DMD: variants seen among roughly 807,000 people sequenced by gnomAD.
DMD encodes the protein dystrophin.
DMD carries 63 observed loss-of-function variants against 330.1 expected under a neutral mutation model. That is an observed-to-expected ratio of 0.19 (90% CI 0.16 to 0.24). The LOEUF (loss-of-function observed/expected upper bound fraction) is 0.24. DMD is among the 10% of genes least tolerant of loss of function. DMD has a pLI of 1.00. For synonymous variants in DMD, 1,223 were observed against 959.8 expected (o/e 1.27, Z -5.07); for missense variants, 3,344 against 2,684.1 (o/e 1.25, Z -5.43).
intron 1 of DMD, among the ~76,000 whole-genome samples, chrX:33,193,768 G>A (rs1029624292): frequency 1.8e-5 from 2 of 111,963 alleles, no homozygotes; most frequent in African/African-American, 3.2e-5. Flanking sequence ...TTATCTGAGA[G>A]TCTTTCCATA....
chrX:31,687,187 G>T (rs2082737978), intron 52 of DMD, among the ~76,000 whole-genome samples: 1 of 111,532 alleles, frequency 9.0e-6, no homozygotes, highest in African/African-American at 3.3e-5. Flanking sequence ...GTACACTGTG[G>T]GACTTGGCCT....
chrX:32,869,303 A>C (rs1265450379), intron 2 of DMD, among the ~76,000 whole-genome samples: 1 of 111,294 alleles, frequency 9.0e-6, no homozygotes, highest in Admixed American at 9.6e-5. Flanking sequence ...GAATCAAAAA[A>C]CAAAAACACT....
intron 62 of DMD, among the ~76,000 whole-genome samples, chrX:31,317,777 C>G: frequency 9.0e-6 from 1 of 111,596 alleles, no homozygotes. Context: ...TCCCAAAGTG[C>G]TGGGATTACA....
intron 25 of DMD, among the ~76,000 whole-genome samples, chrX:32,455,271 A>T (rs2098352280): frequency 9.0e-6 from 1 of 111,646 alleles, no homozygotes; most frequent in Non-Finnish European, 1.9e-5. Flanking sequence ...ACTCTCATAA[A>T]TTAAAAAGAA....
chrX:33,179,576 C>T (rs1300061273), intron 1 of DMD, among the ~76,000 whole-genome samples: 3 of 108,263 alleles, frequency 2.8e-5, no homozygotes, highest in African/African-American at 1.0e-4. Context: ...CGCCTGTAGT[C>T]CCAGCTACTC....
chrX:32,922,263 C>A (rs1312435440), intron 2 of DMD, among the ~76,000 whole-genome samples: 1 of 110,176 alleles, frequency 9.1e-6, no homozygotes, highest in Non-Finnish European at 1.9e-5. Context: ...AATGTATACT[C>A]TCTAAGTAAT....
intron 1 of DMD, among the ~76,000 whole-genome samples, chrX:33,326,574 C>A (rs1239078245): frequency 8.9e-6 from 1 of 111,940 alleles, no homozygotes; most frequent in Non-Finnish European, 1.9e-5. Flanking sequence ...TAGGGTGAGG[C>A]ATTCACATGG....
intron 60 of DMD, among the ~76,000 whole-genome samples, chrX:31,360,899 A>G (rs1382250623): frequency 8.9e-6 from 1 of 112,047 alleles, no homozygotes; most frequent in Non-Finnish European, 1.9e-5. Context: ...AGGCGTGTAA[A>G]GCGTTTAACA....
intron 44 of DMD, among the ~76,000 whole-genome samples, chrX:32,102,498 A>G (rs781130326): frequency 6.3e-5 from 7 of 111,557 alleles, no homozygotes; most frequent in Admixed American, 1.9e-4. Context: ...CACATATTTA[A>G]ATGAATAATT....
At chrX:32,804,477 G>C (rs1052490392) in intron 7 of DMD, among the ~76,000 whole-genome samples, 5 of 112,399 alleles carry the variant, frequency 4.4e-5, no homozygotes, top group Admixed American at 9.4e-5. Flanking sequence ...GCCCCAGTCA[G>C]CGGCTTACAG....
At chrX:32,830,720 T>C (rs973207327) in intron 4 of DMD, among the ~76,000 whole-genome samples, 1 of 112,064 alleles carries the variant, frequency 8.9e-6, no homozygotes, top group African/African-American at 3.2e-5. Context: ...AAGATTTTAC[T>C]CATAAAGTAA....
intron 2 of DMD, among the ~76,000 whole-genome samples, chrX:32,903,142 C>G (rs1601821068): frequency 6.2e-5 from 1 of 16,108 alleles, no homozygotes; most frequent in African/African-American, 2.0e-4. Context: ...GAGACTCAGT[C>G]TCAAAAAAAA....
chrX:31,492,151 C>T (rs774465840), intron 57 of DMD, among the ~76,000 whole-genome samples: 2 of 112,174 alleles, frequency 1.8e-5, no homozygotes, highest in East Asian at 5.6e-4. Flanking sequence ...AATCAAGAAA[C>T]CCATAAAGAG....
chrX:31,222,610 A>G (rs1023987516), intron 64 of DMD, among the ~76,000 whole-genome samples: 3 of 110,573 alleles, frequency 2.7e-5, no homozygotes. Context: ...CTACCACTTC[A>G]TTCATCTGCA....
At chrX:31,657,877 C>T in intron 54 of DMD, 113 bp downstream of exon 54, 2 of 811,079 alleles carry the variant, frequency 2.5e-6, no homozygotes, top group Non-Finnish European at 3.7e-6. Context: ...TCGTCTTGAA[C>T]CCTCCCAAGC....
intron 1 of DMD, among the ~76,000 whole-genome samples, chrX:33,237,734 A>G (rs969322814): frequency 8.0e-5 from 9 of 112,332 alleles, no homozygotes; most frequent in African/African-American, 2.9e-4. Context: ...AAATTTTTTC[A>G]CGATATACAT....
rs1373815664 is a variant in DMD at position 32,365,108 on chromosome X, T to C, written c.4937A>G (p.Glu1646Gly). 6 of 1,208,669 alleles carry C rather than the reference T, an allele frequency of 5.0e-6. No homozygotes were observed. The highest frequency in any genetic ancestry group is 1.8e-5 in the African/African-American group (1 of 56,927). Residue 1646 changes from glutamate (E) to glycine (G), a missense_variant, in exon 35 of 79, where the codon GAG (glutamate) becomes GGG (glycine). Transcript: ENST00000357033. Reference sequence around the variant, plus strand: ...ACTGAGTTTATCTTCCACCAACGTCTCCTTCTTGCCCAAAACTGTTTTCAA... The same window carrying C: ...ACTGAGTTTATCTTCCACCAACGTCCCCTTCTTGCCCAAAACTGTTTTCAA... Reference protein sequence around the residue: ...EALKTVLGKKETLVEDKLSLL... With the variant: ...EALKTVLGKKGTLVEDKLSLL...
chrX:33,161,174 A>G (rs915486031), intron 1 of DMD, among the ~76,000 whole-genome samples: 12 of 111,982 alleles, frequency 1.1e-4, no homozygotes, highest in Non-Finnish European at 2.1e-4. Context: ...TTTCTAAGGG[A>G]AACACAAGAC....
chrX:32,490,334 G>C (rs1431390260), intron 20 of DMD, among the ~76,000 whole-genome samples: 1 of 111,693 alleles, frequency 9.0e-6, no homozygotes, highest in Middle Eastern at 4.2e-3. Context: ...AAACAGTTTA[G>C]GCTATTTTCA....
Sources: gnomAD v4.1 joint callset for allele counts (sites outside exome capture counted in the v4.1 genomes callset) on GRCh38, gnomAD v4.1.1 for gene constraint, MANE v1.5 for transcripts, NCBI Gene and HGNC (gene_info 2026-07-23, HGNC 2026-07-21) for gene names.